Variants in HTR4 observed in about 807,000 individuals in gnomAD.
HTR4 encodes the protein 5-hydroxytryptamine (serotonin) receptor 4, G protein-coupled.
In HTR4, 16 loss-of-function variants were observed where a neutral mutation model predicts 36.8. The observed-to-expected ratio is 0.43, with a 90% CI of 0.29 to 0.66. The LOEUF (loss-of-function observed/expected upper bound fraction) is 0.66. Ranked by LOEUF, HTR4 falls within the 30% of genes least tolerant of loss-of-function variation. The probability of loss-of-function intolerance (pLI) is 0.13; values close to 1 mark genes in which losing one functional copy is unlikely to be tolerated. For synonymous variants in HTR4, 189 were observed against 185.1 expected, an observed-to-expected ratio of 1.02 and a Z score of -0.17; for missense variants, 438 against 490.9, an observed-to-expected ratio of 0.89 and a Z score of 1.02.
intron 2 of HTR4, among the ~76,000 whole-genome samples, chr5:148,579,232 C>T (rs557691564): frequency 3.9e-5 from 6 of 152,016 alleles, no homozygotes; most frequent in Non-Finnish European, 7.4e-5. Context: ...GCTAATAATA[C>T]GTTGGTTGAG....
chr5:148,525,197 C>T (rs1286585064), intron 4 of HTR4, among the ~76,000 whole-genome samples: 4 of 152,184 alleles, frequency 2.6e-5, no homozygotes, highest in Non-Finnish European at 2.9e-5. Context: ...ATTCCCTCCA[C>T]ACTGTTGGCT....
At chr5:148,609,890 A>AT (rs891726066) in intron 2 of HTR4, among the ~76,000 whole-genome samples, 62 of 151,250 alleles carry the variant, frequency 4.1e-4, no homozygotes, top group South Asian at 1.3e-3. Flanking sequence ...CCCAGCTGGT[A>AT]TTTTTTTTTA....
intron 5 of HTR4, among the ~76,000 whole-genome samples, chr5:148,455,681 T>G (rs747061094): frequency 1.3e-5 from 2 of 152,166 alleles, no homozygotes; most frequent in Non-Finnish European, 2.9e-5. Context: ...CCTGTGCAGT[T>G]GAAAAATCTG....
intron 2 of HTR4, among the ~76,000 whole-genome samples, chr5:148,570,833 G>T (rs1561625986): frequency 5.9e-5 from 9 of 151,522 alleles, no homozygotes; most frequent in Admixed American, 5.9e-4. Context: ...TGTGTGTGTG[G>T]GTTTTTGTTT....
chr5:148,536,134 C>T lies in HTR4; in HGVS notation c.353+12534G>A, dbSNP rs550724599. Among the ~76,000 whole-genome samples the T allele has an allele frequency of 5.3e-5, 8 of 152,190 alleles. No homozygotes were observed. The East Asian group carries it at 1.5e-3, about 29-fold the overall frequency. Reference sequence around the variant, plus strand: ...ACCAAGAATTTCATATCCAGCCAAACTAAGCTTCCTAAGTGAAGGAGAAAT... The same window carrying T: ...ACCAAGAATTTCATATCCAGCCAAATTAAGCTTCCTAAGTGAAGGAGAAAT... On this transcript the variant is annotated intron_variant, in intron 4 of 6. Coordinates refer to ENST00000377888, the MANE Select transcript of HTR4 (RefSeq NM_000870.7).
Position 148,565,572 on chromosome 5 carries a change from C to T in HTR4, c.27-15310G>A, listed in dbSNP as rs375429818. The stretch of plus-strand genomic sequence containing the variant: ...GAGGCTGGCATAATCATAAGAGAAG[C>T]AGGGAGTATCCAGTATCTTGATGGG... On this transcript the variant is annotated intron_variant, in intron 2 of 6. Transcript: ENST00000377888. Among the ~76,000 whole-genome samples, 8 of 135,212 alleles carry T rather than the reference C, an allele frequency of 5.9e-5. No individual in the cohort carries two copies. The South Asian group carries it at 8.0e-4, about 13-fold the overall frequency. 88.7% of individuals were successfully genotyped at this position (135,212 alleles called of 152,430 possible).
chr5:148,504,331 T>G (rs942479599), intron 6 of HTR4, among the ~76,000 whole-genome samples: 6 of 152,168 alleles, frequency 3.9e-5, no homozygotes, highest in African/African-American at 1.4e-4. Flanking sequence ...AACTCAGGAT[T>G]AAGAAACCCA....
chr5:148,599,663 A>G (rs1190500950), intron 2 of HTR4, among the ~76,000 whole-genome samples: 1 of 152,140 alleles, frequency 6.6e-6, no homozygotes, highest in Non-Finnish European at 1.5e-5. Context: ...CCAGAGAAAA[A>G]CATGGGAATG....
chr5:148,516,312 C>CTTTTTTTTTTT (rs954784476), intron 5 of HTR4, among the ~76,000 whole-genome samples: 6 of 76,498 alleles, frequency 7.8e-5, no homozygotes, highest in Non-Finnish European at 1.2e-4. Context: ...ATTCCCCCCT[C>CTTTTTTTTTTT]TTTTTTTTTT....
intron 4 of HTR4, among the ~76,000 whole-genome samples, chr5:148,547,207 C>T (rs887761239): frequency 6.6e-6 from 1 of 152,150 alleles, no homozygotes; most frequent in Non-Finnish European, 1.5e-5. Context: ...GTACCTCCCC[C>T]AGTGTGATTA....
At chr5:148,526,198 G>A (rs1476928638) in intron 4 of HTR4, among the ~76,000 whole-genome samples, 1 of 152,198 alleles carries the variant, frequency 6.6e-6, no homozygotes, top group African/African-American at 2.4e-5. Context: ...GACAGCTTTA[G>A]CAAACTAATA....
In HTR4 at chr5:148,649,722, G is replaced by C. The variant is rs752189465; in HGVS notation, c.-48+4340C>G. Among the ~76,000 whole-genome samples, 18 of 146,356 alleles carry C rather than the reference G, an allele frequency of 1.2e-4. 1 individual carries two copies. In the Middle Eastern group the frequency reaches 0.011, roughly 88 times the overall value. On this transcript the variant is annotated intron_variant, in intron 1 of 6. Transcript: ENST00000377888. Reference sequence around the variant, plus strand: ...AACTCAAAATAAGAGGCAAAGCTTAGATGCTTAGTAAGAATGTCAATTCAT... The same window carrying C: ...AACTCAAAATAAGAGGCAAAGCTTACATGCTTAGTAAGAATGTCAATTCAT...
At chr5:148,575,160 C>A (rs1009023786) in intron 2 of HTR4, among the ~76,000 whole-genome samples, 1 of 151,946 alleles carries the variant, frequency 6.6e-6, no homozygotes, top group South Asian at 2.1e-4. Context: ...CTCTTCTCAA[C>A]CTCCAATTTT....
At chr5:148,463,914 C>T (rs770886404) in intron 5 of HTR4, among the ~76,000 whole-genome samples, 4 of 151,586 alleles carry the variant, frequency 2.6e-5, no homozygotes, top group Non-Finnish European at 5.9e-5. Context: ...GTATAGAGAG[C>T]CCAGAAGCAG....
rs150098042 is a variant in HTR4 at position 148,599,672 on chromosome 5, T to G, written c.26+37317A>C. Among the ~76,000 whole-genome samples, 240 of 152,040 alleles carry G rather than the reference T, an allele frequency of 1.6e-3. 3 individuals are homozygous for G. Among genetic ancestry groups the G allele is most frequent in the African/African-American group, 5.5e-3 (229 of 41,532 alleles). ...ATGATCCCAGAGAAAAACATGGGAA[T>G]GCAAACAGAAATGAAAAACAATGGA... is the stretch of plus-strand genomic sequence containing the variant. On this transcript the variant is annotated intron_variant, in intron 2 of 6. Coordinates refer to ENST00000377888, the MANE Select transcript of HTR4 (RefSeq NM_000870.7).
chr5:148,474,599 A>G (rs963283526), downstream of HTR4, among the ~76,000 whole-genome samples: 2 of 152,198 alleles, frequency 1.3e-5, no homozygotes, highest in Admixed American at 6.5e-5. Context: ...TTAAATGACT[A>G]TTCATCCAGG....
At chr5:148,551,087 C>T (rs558397567) in intron 2 of HTR4, among the ~76,000 whole-genome samples, 2 of 152,148 alleles carry the variant, frequency 1.3e-5, no homozygotes, top group South Asian at 4.1e-4. Context: ...TAAACATCAG[C>T]AAGGAGCCCA....
At chr5:148,614,445 T>C (rs1023862210) in intron 2 of HTR4, among the ~76,000 whole-genome samples, 3 of 152,200 alleles carry the variant, frequency 2.0e-5, no homozygotes, top group African/African-American at 7.2e-5. Flanking sequence ...ATTCCCTATT[T>C]AATAAATGGT....
chr5:148,509,197 T>G, intron 6 of HTR4: 1 of 397,316 alleles, frequency 2.5e-6, no homozygotes, highest in East Asian at 4.1e-5. Flanking sequence ...AAAAATGAAA[T>G]TGAGGTTAAT....
Sources: gnomAD v4.1 joint callset for allele counts (sites outside exome capture counted in the v4.1 genomes callset) on GRCh38, gnomAD v4.1.1 for gene constraint, MANE v1.5 for transcripts, NCBI Gene and HGNC (gene_info 2026-07-23, HGNC 2026-07-21) for gene names.